The following PIEZO2 variants were observed in gnomAD, a reference collection of about 807,000 sequenced individuals.
PIEZO2 encodes piezo type mechanosensitive ion channel component 2.
PIEZO2 carries 172 observed loss-of-function variants against 337.3 expected under a neutral mutation model. That is an observed-to-expected ratio of 0.51 (90% CI 0.45 to 0.58). The LOEUF (loss-of-function observed/expected upper bound fraction) is 0.58, where lower values mean the gene tolerates loss of function less well. Ranked by LOEUF, PIEZO2 falls within the 20% of genes least tolerant of loss-of-function variation. The pLI is 0.00. For synonymous variants in PIEZO2, 1,251 were observed against 1,228.5 expected, an observed-to-expected ratio of 1.02 and a Z score of -0.38; for missense variants, 3,028 against 3,391.3, an observed-to-expected ratio of 0.89 and a Z score of 2.66.
intron 29 of PIEZO2, among the ~76,000 whole-genome samples, chr18:10,749,499 T>C (rs2037563654): frequency 6.6e-6 from 1 of 151,882 alleles, no homozygotes; most frequent in South Asian, 2.1e-4. Context: ...TAATAATAAA[T>C]AAATAGAGAG....
chr18:11,032,492 T>C lies in PIEZO2; in HGVS notation c.160+33635A>G, dbSNP rs1204934525. On this transcript the variant is annotated intron_variant, in intron 2 of 55. Transcript: ENST00000674853. This position sits in a 1 kb window ranked among gnomAD's most constrained non-coding sequence, Gnocchi z 4.9. ...TGGCATGCTCTCGAGTAAGTGTAAATGTGTTAGCCAGTCTGGCTGGCTATG... is the reference window on the plus strand; with the variant it reads ...TGGCATGCTCTCGAGTAAGTGTAAACGTGTTAGCCAGTCTGGCTGGCTATG... Among the ~76,000 whole-genome samples the C allele has an allele frequency of 6.6e-6, 1 of 152,220 alleles. No individual in the cohort carries two copies. The highest frequency in any genetic ancestry group is 1.5e-5 in the Non-Finnish European group (1 of 68,036).
intron 1 of PIEZO2, among the ~76,000 whole-genome samples, chr18:11,073,181 G>A (rs1017006859): frequency 1.3e-5 from 2 of 152,180 alleles, no homozygotes; most frequent in Non-Finnish European, 1.5e-5. Flanking sequence ...GCTATGGAGA[G>A]GACAAGGGTG....
At chr18:10,742,665 C>A (rs1488906534) in intron 31 of PIEZO2, 50 bp from the exon 32 acceptor site, 2 of 1,527,722 alleles carry the variant, frequency 1.3e-6, no homozygotes, top group East Asian at 4.9e-5. Context: ...TCATTGTTCT[C>A]ATGTGGTCAG....
rs747327376 is a variant in PIEZO2, at chr18:10,861,066, A to G, written c.493-3855T>C. ...AGTCACGTCAGGCTGGCTTATTAAC[A>G]GGCAGGCTTTTTCCCCCAAAGTGAT... On this transcript the variant is annotated intron_variant, in intron 5 of 55. Transcript: ENST00000674853. This position sits in a 1 kb window ranked among gnomAD's most constrained non-coding sequence, Gnocchi z 4.3. Among the ~76,000 whole-genome samples, 23 of 152,234 alleles carry G rather than the reference A, an allele frequency of 1.5e-4. No homozygotes were observed. Among genetic ancestry groups the G allele is most frequent in the Non-Finnish European group, 2.8e-4 (19 of 68,044 alleles).
chr18:10,836,986 G>C (rs2041035399), intron 7 of PIEZO2, among the ~76,000 whole-genome samples: 1 of 152,154 alleles, frequency 6.6e-6, no homozygotes. Flanking sequence ...GGGCCACTGA[G>C]GATACTCACA....
chr18:11,014,937 T>C (rs560411694), intron 2 of PIEZO2, among the ~76,000 whole-genome samples: 3 of 128,676 alleles, frequency 2.3e-5, no homozygotes, highest in South Asian at 2.7e-4. Flanking sequence ...GGGGCCCCCC[T>C]CATTCCTCAG....
chr18:11,140,938 A>G (rs1170697146), intron 1 of PIEZO2, among the ~76,000 whole-genome samples: 1 of 152,180 alleles, frequency 6.6e-6, no homozygotes, highest in Non-Finnish European at 1.5e-5. Context: ...TCCTACCTCC[A>G]GCCTTCAGCT....
At chr18:11,018,382 CGTGTGTGTGTGTGTGTGT>C (rs376013388) in intron 2 of PIEZO2, among the ~76,000 whole-genome samples, 16 of 114,198 alleles carry the variant, frequency 1.4e-4, no homozygotes, top group South Asian at 3.7e-4. Context: ...CCCAACATGT[CGTGTGTGTGTGTGTGTGT>C]GTGTGTGTGT....
At chr18:10,921,809 C>T (rs963614630) in intron 3 of PIEZO2, among the ~76,000 whole-genome samples, 3 of 152,110 alleles carry the variant, frequency 2.0e-5, no homozygotes, top group African/African-American at 4.8e-5. Context: ...AGAATACTCG[C>T]CTGAGGGTGG....
In PIEZO2 at chr18:10,807,168, G is replaced by A; in HGVS notation, c.1024C>T (p.Leu342=). ...WYHHANPILL[L]VMYYTLATLI... ...GTGGCCAGAGTGTAGTACATCACCA[G>A]CAGGAGGATAGGGTTGGCGTGGTGG... Residue 342 remains leucine, a synonymous_variant, in exon 8 of 56, where the codon CTG becomes TTG. Transcript: ENST00000674853. 1.3e-6 allele frequency: 2 copies of A among 1,537,278 alleles called. 1 individual carries two copies. Among genetic ancestry groups the A allele is most frequent in the Middle Eastern group, 3.3e-4 (2 of 5,990 alleles).
intron 1 of PIEZO2, among the ~76,000 whole-genome samples, chr18:11,093,590 T>C (rs1028004215): frequency 7.0e-6 from 1 of 142,670 alleles, no homozygotes; most frequent in Non-Finnish European, 1.5e-5. Flanking sequence ...TTTTTTTTTT[T>C]TTTTTTTTTT....
intron 28 of PIEZO2, among the ~76,000 whole-genome samples, chr18:10,751,780 A>G (rs2037655790): frequency 1.3e-5 from 2 of 152,218 alleles, no homozygotes; most frequent in Admixed American, 1.3e-4. Flanking sequence ...AGCGCCAGCC[A>G]GAGAGCTATT....
chr18:10,731,694 AT>A (rs893556946), intron 35 of PIEZO2, among the ~76,000 whole-genome samples, 173 bp from the exon 36 acceptor site: 4 of 151,922 alleles, frequency 2.6e-5, no homozygotes, highest in African/African-American at 9.7e-5. Flanking sequence ...AAGACAACAG[AT>A]GTTGTAGTAA....
intron 49 of PIEZO2, among the ~76,000 whole-genome samples, chr18:10,687,066 C>T (rs2034576603): frequency 6.6e-6 from 1 of 152,140 alleles, no homozygotes; most frequent in South Asian, 2.1e-4. Context: ...TATCACGTGC[C>T]CCTCTGCCAA....
intron 1 of PIEZO2, among the ~76,000 whole-genome samples, chr18:11,144,839 C>A (rs1237056565): frequency 2.0e-5 from 3 of 152,130 alleles, no homozygotes; most frequent in Non-Finnish European, 4.4e-5. Flanking sequence ...CTTTCTTCCC[C>A]CTGAAAATAT....
chr18:10,950,681 T>A (rs2033253115), intron 3 of PIEZO2, among the ~76,000 whole-genome samples: 1 of 152,198 alleles, frequency 6.6e-6, no homozygotes, highest in African/African-American at 2.4e-5. Flanking sequence ...ATCTCAGGAT[T>A]TCAAACACAA....
At chr18:10,715,395 T>C (rs182105729) in intron 38 of PIEZO2, among the ~76,000 whole-genome samples, 1 of 152,264 alleles carries the variant, frequency 6.6e-6, no homozygotes, top group Admixed American at 6.5e-5. Flanking sequence ...ACCTGCAAAC[T>C]GTGGTGAGGG....
intron 1 of PIEZO2, among the ~76,000 whole-genome samples, chr18:11,118,213 A>G (rs868181412): frequency 2.0e-5 from 3 of 152,224 alleles, no homozygotes; most frequent in African/African-American, 7.2e-5. Context: ...CAAACAGCCC[A>G]TGGTCCACAG....
intron 43 of PIEZO2, among the ~76,000 whole-genome samples, chr18:10,700,395 T>C (rs1242955512): frequency 6.6e-6 from 1 of 151,912 alleles, no homozygotes; most frequent in Non-Finnish European, 1.5e-5. Context: ...AGATTTATCA[T>C]TCTAAAAACT....
Sources: gnomAD v4.1 joint callset for allele counts (sites outside exome capture counted in the v4.1 genomes callset) on GRCh38, gnomAD v4.1.1 for gene constraint, Gnocchi (gnomAD v3.1) non-coding constraint, MANE v1.5 for transcripts, NCBI Gene and HGNC (gene_info 2026-07-23, HGNC 2026-07-21) for gene names.